The following PDE6A variants were observed in gnomAD, a reference collection of about 807,000 sequenced individuals.
PDE6A encodes the protein phosphodiesterase 6A.
A neutral mutation model predicts 106.3 loss-of-function variants in PDE6A; 84 were observed. That is an observed-to-expected ratio of 0.79 (90% CI 0.66 to 0.95). The LOEUF (loss-of-function observed/expected upper bound fraction) is 0.95. Among genes scored for constraint, PDE6A ranks in the 40% least tolerant of loss-of-function variants. The pLI is 0.00. For missense variants in PDE6A, 1,052 were observed against 1,084.9 expected (o/e 0.97, Z 0.43); for synonymous variants, 394 against 386.6 (o/e 1.02, Z -0.23).
chr5:149,906,840 C>T (rs1211452687), intron 7 of PDE6A, among the ~76,000 whole-genome samples: 2 of 152,022 alleles, frequency 1.3e-5, no homozygotes, highest in Non-Finnish European at 2.9e-5. Flanking sequence ...GGCATGATTT[C>T]GGCTCACTGC....
At chr5:149,876,693 A>G (rs1456141853) in intron 17 of PDE6A, among the ~76,000 whole-genome samples, 4 of 152,026 alleles carry the variant, frequency 2.6e-5, no homozygotes, top group African/African-American at 4.8e-5. Context: ...TTTAATAGAG[A>G]TGGGGTTTCA....
intron 17 of PDE6A, among the ~76,000 whole-genome samples, chr5:149,875,621 T>C (rs1204614368): frequency 1.3e-5 from 2 of 151,740 alleles, no homozygotes; most frequent in Admixed American, 6.6e-5. Context: ...TCCTGAGTAG[T>C]TGGGACCACA....
At chr5:149,913,639 C>A (rs914516663) in intron 6 of PDE6A, among the ~76,000 whole-genome samples, 1 of 152,110 alleles carries the variant, frequency 6.6e-6, no homozygotes, top group South Asian at 2.1e-4. Flanking sequence ...TTCAGTTGGA[C>A]AAAATTGCTG....
chr5:149,931,056 A>G lies in PDE6A; in HGVS notation c.830T>C (p.Val277Ala), dbSNP rs145608358. ...CTGCTTGGTCATGTCTAAGAGACCC[A>G]CAGAGTATCTGTCACAGTTGAGGAA... ...RAFLNCDRYSVGLLDMTKQKE... is the reference protein window; with the variant it reads ...RAFLNCDRYSAGLLDMTKQKE... The change falls in exon 4 of 22, where the codon GTG (valine) becomes GCG (alanine). Residue 277 changes from valine (V) to alanine (A), a missense_variant. By Grantham distance (64) the Val-to-Ala change is moderately conservative. Coordinates refer to ENST00000255266, the MANE Select transcript of PDE6A (RefSeq NM_000440.3). 166 of 1,614,076 alleles carry G rather than the reference A, an allele frequency of 1.0e-4. 1 individual carries two copies. Among genetic ancestry groups the G allele is most frequent in the Non-Finnish European group, 1.1e-5 (13 of 1,180,024 alleles).
rs529154881 is a variant in PDE6A at position 149,941,241 on chromosome 5, A to T, written c.474+2959T>A. Among the ~76,000 whole-genome samples the T allele has an allele frequency of 2.0e-4, 30 of 152,344 alleles. No individual in the cohort carries two copies. In the South Asian group the frequency reaches 5.0e-3, roughly 25 times the overall value. ...AGTAAAAGCCTGGTGGACAAGGCAG[A>T]CCTGGTCCCTGACCTCCAGGGCTTA... On this transcript the variant is annotated intron_variant, in intron 1 of 21. Coordinates refer to ENST00000255266, the MANE Select transcript of PDE6A (RefSeq NM_000440.3).
At chr5:149,869,292 T>C (rs1391263977) in intron 17 of PDE6A, among the ~76,000 whole-genome samples, 3 of 142,880 alleles carry the variant, frequency 2.1e-5, no homozygotes, top group African/African-American at 7.9e-5. Context: ...ATCACACCAC[T>C]GCACTCTAGC....
rs1161347959 is a variant in PDE6A, at chr5:149,859,278, A to G, written c.*1617T>C. 1 of 152,248 alleles carries G rather than the reference A, an allele frequency of 6.6e-6. No homozygotes were observed. Among genetic ancestry groups the G allele is most frequent in the Admixed American group, 6.5e-5 (1 of 15,290 alleles). The allele number at this position is 152,248 out of a possible 1,614,324, so 9.4% of individuals were successfully genotyped here. A position where few individuals can be genotyped will look rare whatever the true frequency, so the allele number is the denominator to read the frequency against. On this transcript the variant is annotated 3_prime_UTR_variant, in exon 22 of 22. Transcript: ENST00000255266. Reference sequence around the variant, plus strand: ...TTCTTTTTTCTAAAAACCAACAAAAAGAAACAACTAAATTCAATATGTGAA... The same window carrying G: ...TTCTTTTTTCTAAAAACCAACAAAAGGAAACAACTAAATTCAATATGTGAA...
At chr5:149,894,356 C>T (rs1752652567) in intron 13 of PDE6A, among the ~76,000 whole-genome samples, 1 of 152,052 alleles carries the variant, frequency 6.6e-6, no homozygotes. Context: ...GAAAATTTCT[C>T]TGGGGAAAAG....
intron 7 of PDE6A, among the ~76,000 whole-genome samples, chr5:149,905,679 G>A (rs1753153628): frequency 6.6e-6 from 1 of 152,128 alleles, no homozygotes; most frequent in South Asian, 2.1e-4. Context: ...TTTAGGTAGT[G>A]CCTGACTCAT....
chr5:149,896,494 C>G lies in PDE6A; in HGVS notation c.1482G>C (p.Glu494Asp), dbSNP rs1258972203. 5 of 1,614,062 alleles carry G rather than the reference C, an allele frequency of 3.1e-6. No individual in the cohort carries two copies. Among genetic ancestry groups the G allele is most frequent in the Non-Finnish European group, 3.4e-6 (4 of 1,180,042 alleles). ...EEELAEILQA[E>D]LPDADKYEIN... ...TTTCGTATTTATCTGCATCTGGCAG[C>G]TCCGCTTGCTGTATAAGGAATAGAG... Residue 494 changes from glutamate (E) to aspartate (D), a missense_variant, in exon 12 of 22, where the codon GAG becomes GAC. Glu to Asp is a conservative substitution (Grantham distance 45). Around this residue, in one of 3 missense-constraint regions of PDE6A, gnomAD observed 913 missense variants for 915.2 expected, o/e 1.00. Transcript: ENST00000255266.
At chr5:149,902,822 A>C (rs1464549386) in intron 8 of PDE6A, among the ~76,000 whole-genome samples, 1 of 130,848 alleles carries the variant, frequency 7.6e-6, no homozygotes, top group African/African-American at 3.4e-5. Flanking sequence ...ACTCCGTCTC[A>C]AAAAAAAAAA....
In PDE6A at chr5:149,907,933, T is replaced by C. The variant is rs141259041; in HGVS notation, c.999-555A>G. The stretch of plus-strand genomic sequence containing the variant: ...AACCACATGGACATCAAGAACAGCA[T>C]TGTCAGCTCCTTGGAAGCCATTGAC... On this transcript the variant is annotated intron_variant, in intron 6 of 21. Transcript: ENST00000255266. Among the ~76,000 whole-genome samples the C allele has an allele frequency of 2.2e-3, 338 of 152,302 alleles. 1 individual carries two copies. Among genetic ancestry groups the C allele is most frequent in the African/African-American group, 7.7e-3 (318 of 41,562 alleles).
intron 20 of PDE6A, among the ~76,000 whole-genome samples, chr5:149,865,416 A>AG (rs1380316817): frequency 5.6e-4 from 84 of 151,164 alleles, no homozygotes; most frequent in African/African-American, 2.0e-3. Flanking sequence ...CTCAAAGAAA[A>AG]AAAAAAAACC....
Position 149,884,533 on chromosome 5 carries a change from G to T in PDE6A, c.1973C>A (p.Ala658Asp), listed in dbSNP as rs1420345989. The T allele has an allele frequency of 1.2e-6, 2 of 1,613,688 alleles. No homozygotes were observed. Among genetic ancestry groups the T allele is most frequent in the African/African-American group, 1.3e-5 (1 of 74,852 alleles). Residue 658 changes from alanine (A) to aspartate (D), a missense_variant, in exon 16 of 22, where the codon GCC becomes GAC. Ala to Asp is a moderately radical substitution (Grantham distance 126). Transcript: ENST00000255266. Reference protein sequence around the residue: ...QNLNRRQHEHAIHMMDIAIIA... With the variant: ...QNLNRRQHEHDIHMMDIAIIA... Reference sequence around the variant, plus strand: ...GATTGCAATGTCCATCATGTGGATGGCATGCTCATGCTGTCGACGATTGAG... The same window carrying T: ...GATTGCAATGTCCATCATGTGGATGTCATGCTCATGCTGTCGACGATTGAG...
chr5:149,910,679 G>A (rs1753351698), intron 6 of PDE6A, among the ~76,000 whole-genome samples: 1 of 152,004 alleles, frequency 6.6e-6, no homozygotes, highest in South Asian at 2.1e-4. Flanking sequence ...TATGAATGGT[G>A]GGAAATGAAA....
At chr5:149,912,680 C>A (rs891166712) in intron 6 of PDE6A, among the ~76,000 whole-genome samples, 5 of 152,138 alleles carry the variant, frequency 3.3e-5, no homozygotes, top group African/African-American at 1.2e-4. Context: ...TCCAACCACA[C>A]CCGCTAGCTG....
Position 149,867,761 on chromosome 5 carries a change from A to C in PDE6A, c.2238T>G (p.Gly746=), listed in dbSNP as rs145809648. 718 of 1,613,784 alleles carry C rather than the reference A, an allele frequency of 4.4e-4. No homozygotes were observed. Among genetic ancestry groups the C allele is most frequent in the Non-Finnish European group, 5.5e-4 (653 of 1,179,994 alleles). ...LLVAAEFWEQ[G]DLERTVLQQN... is the part of the protein sequence containing the mutation. ...GTTGCAGCACCGTGCGCTCCAGGTC[A>C]CCTTGTTCCCAGAATTCAGCAGCCA... Residue 746 remains glycine (G), a synonymous_variant, in exon 19 of 22, where the codon GGT becomes GGG. Transcript: ENST00000255266.
At chr5:149,936,827 A>T (rs1176875768) in intron 1 of PDE6A, among the ~76,000 whole-genome samples, 1 of 152,254 alleles carries the variant, frequency 6.6e-6, no homozygotes, top group Non-Finnish European at 1.5e-5. Context: ...TTTAAATCCT[A>T]GAATCAGAGG....
chr5:149,915,727 G>A (rs2113630059), intron 5 of PDE6A, among the ~76,000 whole-genome samples: 1 of 152,324 alleles, frequency 6.6e-6, no homozygotes, highest in Non-Finnish European at 1.5e-5. Flanking sequence ...AAAGAGAGTT[G>A]AGAAGCCAGG....
Sources: allele counts gnomAD v4.1 joint callset (sites outside exome capture counted in the v4.1 genomes callset), GRCh38; gene constraint gnomAD v4.1.1; regional missense constraint gnomAD v4.1.1; transcripts MANE v1.5; gene names NCBI Gene and HGNC (gene_info 2026-07-23, HGNC 2026-07-21).